The following LARGE1 variants were observed in gnomAD, a reference collection of about 807,000 sequenced individuals.
The protein encoded by LARGE1 is LARGE xylosyl- and glucuronyltransferase 1.
A neutral mutation model predicts 87.6 loss-of-function variants in LARGE1; 43 were observed. The observed-to-expected ratio is 0.49, with a 90% CI of 0.38 to 0.63. LARGE1 has a LOEUF of 0.63. LARGE1 is among the 30% of genes least tolerant of loss of function. The pLI is 0.00. For synonymous variants in LARGE1, 434 were observed against 394.6 expected, an observed-to-expected ratio of 1.10 and a Z score of -1.18; for missense variants, 802 against 1,000.2, an observed-to-expected ratio of 0.80 and a Z score of 2.67.
At chr22:33,242,840 A>G (rs1166286642) in intron 11 of LARGE1, among the ~76,000 whole-genome samples, 1 of 152,092 alleles carries the variant, frequency 6.6e-6, no homozygotes, top group Non-Finnish European at 1.5e-5. Context: ...ACTGTGAAGA[A>G]CAGCCTGCCC....
chr22:33,519,233 C>CGTGTGTGTGTGTGT (rs1021630518), intron 6 of LARGE1, among the ~76,000 whole-genome samples: 5 of 121,318 alleles, frequency 4.1e-5, no homozygotes, highest in African/African-American at 1.3e-4. Flanking sequence ...TGCGTGCGCG[C>CGTGTGTGTGTGTGT]GCGTGTGTGT....
intron 13 of LARGE1, among the ~76,000 whole-genome samples, chr22:33,282,427 A>G (rs12158415): frequency 0.066 from 10,011 of 152,232 alleles, 1,120 homozygotes; most frequent in African/African-American, 0.23. Flanking sequence ...CTCTCTTTAG[A>G]CTGCTCAGTT....
At chr22:33,699,249 A>G (rs1420788590) in intron 2 of LARGE1, among the ~76,000 whole-genome samples, 3 of 152,252 alleles carry the variant, frequency 2.0e-5, no homozygotes, top group African/African-American at 7.2e-5. Context: ...TGGAGACCAC[A>G]CAGCAGGGGT....
At chr22:33,321,273 T>G (rs920220328) in intron 10 of LARGE1, among the ~76,000 whole-genome samples, 5 of 152,232 alleles carry the variant, frequency 3.3e-5, no homozygotes, top group Admixed American at 6.5e-5. Flanking sequence ...CTTTTTGTCC[T>G]CAAACCTCAC....
intron 2 of LARGE1, among the ~76,000 whole-genome samples, chr22:33,717,587 T>TC (rs1244493467): frequency 6.6e-6 from 1 of 152,106 alleles, no homozygotes; most frequent in African/African-American, 2.4e-5. Flanking sequence ...AACACTCAAA[T>TC]CCCCACAGTG....
chr22:33,283,756 G>GAC (rs1384685293), intron 12 of LARGE1, among the ~76,000 whole-genome samples: 1 of 150,084 alleles, frequency 6.7e-6, no homozygotes, highest in African/African-American at 2.5e-5. Context: ...CAGCCTGGGT[G>GAC]ACAGAGATAG....
At chr22:33,110,416 CCTCT>C in the LARGE1 span, 1 of 152,192 alleles carries the variant, frequency 6.6e-6, no homozygotes, top group African/African-American at 2.4e-5. Context: ...CAGATATTGT[CCTCT>C]CTCTCTGGAG....
At position 33,331,376 on chromosome 22, in the gene LARGE1, TTTTC is replaced by T. The variant is rs1160266375; in HGVS notation, c.1287+6266_1287+6269del. Among the ~76,000 whole-genome samples the T allele has an allele frequency of 5.3e-5, 8 of 151,752 alleles. No individual in the cohort carries two copies. The South Asian group carries it at 6.2e-4, about 12-fold the overall frequency. Reference sequence around the variant, plus strand: ...AAAAATTAACTTGTGCAGCTCTTTCTTTTCTTTCTTTCTCTCTCTCTTTCTCTTC... The same window carrying T: ...AAAAATTAACTTGTGCAGCTCTTTCTTTTCTTTCTCTCTCTCTTTCTCTTC... On this transcript the variant is annotated intron_variant, in intron 10 of 14. Coordinates refer to ENST00000397394, the MANE Select transcript of LARGE1 (RefSeq NM_133642.5).
chr22:33,538,249 T>A lies in LARGE1; in HGVS notation c.787+26599A>T, dbSNP rs192931732. 3.2e-3 allele frequency among the ~76,000 whole-genome samples: 485 copies of A among 152,376 alleles called. 2 individuals carry two copies. The highest frequency in any genetic ancestry group is 6.8e-3 in the Middle Eastern group (2 of 294). ...AGTGGAAGTAACTCTCCTTCAACTA[T>A]GCCTGCACCATGCTTTTGGAAACTC... On this transcript the variant is annotated intron_variant, in intron 6 of 14. Coordinates refer to ENST00000397394, the MANE Select transcript of LARGE1 (RefSeq NM_133642.5).
At chr22:33,918,176 G>A (rs2065842195) in intron 1 of LARGE1, among the ~76,000 whole-genome samples, 2 of 152,122 alleles carry the variant, frequency 1.3e-5, no homozygotes, top group Admixed American at 6.5e-5. Flanking sequence ...TCATTTCTAA[G>A]GCCCTTCCAG....
rs1030787503 is a variant in LARGE1 at position 33,711,309 on chromosome 22, C to T, written c.106+50062G>A. On this transcript the variant is annotated intron_variant, in intron 2 of 14. Transcript: ENST00000397394. ...TAGGAGACAGGGAAGAACTGAGATC[C>T]GAAGGTTAGAATGGATTGGTCTCTT... 7.2e-5 allele frequency among the ~76,000 whole-genome samples: 11 copies of T among 152,166 alleles called. No individual in the cohort carries two copies. The South Asian group carries it at 8.3e-4, about 11-fold the overall frequency.
intron 7 of LARGE1, among the ~76,000 whole-genome samples, chr22:33,414,236 G>T (rs2066409116): frequency 6.6e-6 from 1 of 152,104 alleles, no homozygotes; most frequent in Admixed American, 6.5e-5. Flanking sequence ...GCATGATTCT[G>T]CTCATATGAG....
At chr22:33,768,419 C>T (rs1249181524) in intron 1 of LARGE1, among the ~76,000 whole-genome samples, 1 of 143,614 alleles carries the variant, frequency 7.0e-6, no homozygotes, top group Non-Finnish European at 1.5e-5. Context: ...ACCCAAGCCA[C>T]AATCCAACGC....
intron 14 of LARGE1, among the ~76,000 whole-genome samples, chr22:33,275,879 G>A (rs1929168951): frequency 1.3e-5 from 2 of 152,196 alleles, no homozygotes; most frequent in Admixed American, 6.5e-5. Context: ...AGAAGCTGAG[G>A]CTGACTGAAC....
intron 5 of LARGE1, among the ~76,000 whole-genome samples, chr22:33,574,206 T>C (rs541967286): frequency 1.4e-4 from 21 of 152,282 alleles, no homozygotes; most frequent in Non-Finnish European, 2.1e-4. Flanking sequence ...CAGCCATCCT[T>C]GGAGTCTGTG....
At chr22:33,662,340 C>G (rs560762026) in intron 2 of LARGE1, among the ~76,000 whole-genome samples, 111 of 152,258 alleles carry the variant, frequency 7.3e-4, no homozygotes, top group Non-Finnish European at 1.2e-3. Flanking sequence ...AGGCCCTGCC[C>G]CATCTTTTCA....
chr22:33,503,242 CTT>C (rs60105421), intron 6 of LARGE1, among the ~76,000 whole-genome samples: 6 of 142,798 alleles, frequency 4.2e-5, no homozygotes, highest in African/African-American at 1.1e-4. Context: ...AGGAGTTCCC[CTT>C]TTTTTTTTTT....
chr22:33,518,985 G>T (rs529200944), intron 6 of LARGE1, among the ~76,000 whole-genome samples: 1 of 152,260 alleles, frequency 6.6e-6, no homozygotes, highest in East Asian at 1.9e-4. Context: ...CCAGATGGAA[G>T]TCAGCTAGTT....
intron 9 of LARGE1, among the ~76,000 whole-genome samples, chr22:33,354,368 A>C (rs1940694082): frequency 6.6e-6 from 1 of 152,232 alleles, no homozygotes; most frequent in Non-Finnish European, 1.5e-5. Context: ...AAAAAATTAC[A>C]GTCTTCACTT....
Sources: gnomAD v4.1 joint callset for allele counts (sites outside exome capture counted in the v4.1 genomes callset) on GRCh38, gnomAD v4.1.1 for gene constraint, MANE v1.5 for transcripts, NCBI Gene and HGNC (gene_info 2026-07-23, HGNC 2026-07-21) for gene names.